Variants in CHD5 observed in about 807,000 individuals in gnomAD.
CHD5 encodes chromodomain helicase DNA binding protein 5.
CHD5 carries 69 observed loss-of-function variants against 230.3 expected under a neutral mutation model. The observed-to-expected ratio is 0.30, with a 90% confidence interval of 0.25 to 0.37. The LOEUF (loss-of-function observed/expected upper bound fraction) is 0.37, where lower values mean the gene tolerates loss of function less well. Among genes scored for constraint, CHD5 ranks in the 10% least tolerant of loss-of-function variants. The pLI is 1.00. For missense variants in CHD5, 1,827 were observed against 2,622.8 expected (o/e 0.70, Z 6.63); for synonymous variants, 1,064 against 1,065.9 (o/e 1.00, Z 0.03).
Position 6,135,217 on chromosome 1 carries a change from G to C in CHD5, c.2870+13C>G. On this transcript the variant is annotated intron_variant, in intron 18 of 41. Transcript: ENST00000262450. ...GCGAGCACAGGCTGCTCCGGGGTCA[G>C]CCCATCACTCACTTCTGCATCTGGC... is the stretch of plus-strand genomic sequence containing the variant. 6.2e-7 allele frequency: 1 copy of C among 1,613,796 alleles called. No individual in the cohort carries two copies. The highest frequency in any genetic ancestry group is 8.5e-7 in the Non-Finnish European group (1 of 1,179,906).
rs1666640649 is a variant in CHD5 at position 6,130,673 on chromosome 1, C to T, written c.3263-345G>A. The stretch of plus-strand genomic sequence containing the variant: ...TAGAGAGCTCAGAGTCCTTCATGTC[C>T]CCGCAGCTTCCCACCCCTGGCTTCC... On this transcript the variant is annotated intron_variant, in intron 21 of 41. Coordinates refer to ENST00000262450, the MANE Select transcript of CHD5 (RefSeq NM_015557.3). This position sits in a 1 kb window ranked among gnomAD's most constrained non-coding sequence, Gnocchi z 4.9. Among the ~76,000 whole-genome samples, 1 of 152,208 alleles carries T rather than the reference C, an allele frequency of 6.6e-6. No individual in the cohort carries two copies. Among genetic ancestry groups the T allele is most frequent in the African/African-American group, 2.4e-5 (1 of 41,438 alleles).
intron 31 of CHD5, among the ~76,000 whole-genome samples, chr1:6,122,782 G>C (rs182604261): frequency 6.6e-6 from 1 of 152,288 alleles, no homozygotes; most frequent in Non-Finnish European, 1.5e-5. Context: ...ACAAGAAAAC[G>C]TTATCGGCCA....
At position 6,104,471 on chromosome 1, in the gene CHD5, G is replaced by C. The variant is rs528061387; in HGVS notation, c.*1003C>G. 82 of 137,824 alleles carry C rather than the reference G, an allele frequency of 5.9e-4. No individual in the cohort carries two copies. Among genetic ancestry groups the C allele is most frequent in the African/African-American group, 2.3e-3 (81 of 35,470 alleles). 8.5% of individuals were successfully genotyped at this position (137,824 alleles called of 1,614,324 possible). A position where few individuals can be genotyped will look rare whatever the true frequency, so the allele number is the denominator to read the frequency against. ...CCACCTCCGGAGGTGGGCAGGGTAG[G>C]CATCCCAGGGCACAGGGCAGGGCCA... is the stretch of plus-strand genomic sequence containing the variant. On this transcript the variant is annotated 3_prime_UTR_variant, in exon 42 of 42. Coordinates refer to ENST00000262450, the MANE Select transcript of CHD5 (RefSeq NM_015557.3).
chr1:6,178,182 G>A (rs995096700), intron 1 of CHD5, among the ~76,000 whole-genome samples: 5 of 152,080 alleles, frequency 3.3e-5, no homozygotes, highest in Admixed American at 6.5e-5. Context: ...AGGCTCTGGG[G>A]CCAACCCACC....
In CHD5 at chr1:6,148,837, G is replaced by T; in HGVS notation, c.1383+17C>A. The stretch of plus-strand genomic sequence containing the variant: ...GGTGGGGCGGGGCGTCCGGCGCGGG[G>T]CGGGCGGAACACTCACAGTACAGCG... On this transcript the variant is annotated intron_variant, in intron 9 of 41. Transcript: ENST00000262450. The T allele has an allele frequency of 6.8e-7, 1 of 1,469,836 alleles. No individual in the cohort carries two copies. Among genetic ancestry groups the T allele is most frequent in the African/African-American group, 1.4e-5 (1 of 69,456 alleles). The allele number at this position is 1,469,836 out of a possible 1,614,324, so 91.0% of individuals were successfully genotyped here. A position where few individuals can be genotyped will look rare whatever the true frequency, so the allele number is the denominator to read the frequency against.
At chr1:6,157,150 G>T (rs2100870829) in intron 3 of CHD5, among the ~76,000 whole-genome samples, 1 of 152,210 alleles carries the variant, frequency 6.6e-6, no homozygotes, top group South Asian at 2.1e-4. Flanking sequence ...GCCCTGAGCT[G>T]CCCCCACCCA....
chr1:6,122,601 G>T (rs1013495116), intron 31 of CHD5, among the ~76,000 whole-genome samples: 7 of 152,172 alleles, frequency 4.6e-5, no homozygotes, highest in African/African-American at 7.2e-5. Context: ...GGAAAACAGG[G>T]TTATCACACG....
chr1:6,165,792 C>T (rs146826875), intron 2 of CHD5, among the ~76,000 whole-genome samples: 50 of 152,248 alleles, frequency 3.3e-4, no homozygotes, highest in Middle Eastern at 3.4e-3. Context: ...GGAGCTGGCT[C>T]ACAGCCTCTC....
intron 11 of CHD5, 37 bp from the exon 12 acceptor site, chr1:6,144,192 A>G: frequency 3.7e-6 from 6 of 1,612,842 alleles, no homozygotes; most frequent in Non-Finnish European, 5.1e-6. Flanking sequence ...CGCTCAGAGC[A>G]GTGGCCACAG....
At chr1:6,127,983 G>C in intron 25 of CHD5, 63 bp downstream of exon 25, 1 of 1,383,588 alleles carries the variant, frequency 7.2e-7, no homozygotes, top group Non-Finnish European at 9.7e-7. Flanking sequence ...CGTGGACACA[G>C]TGGGGGGCGG....
At chr1:6,151,880 G>C (rs969277622) in intron 6 of CHD5, among the ~76,000 whole-genome samples, 2 of 152,146 alleles carry the variant, frequency 1.3e-5, no homozygotes, top group Non-Finnish European at 2.9e-5. Context: ...AGAAAGGGGG[G>C]CCCCAAGGCT....
rs111273684 is a variant in CHD5 at position 6,168,805 on chromosome 1, G to A, written c.80-528C>T. Among the ~76,000 whole-genome samples the A allele has an allele frequency of 4.6e-5, 7 of 152,200 alleles. No individual in the cohort carries two copies. The East Asian group carries it at 1.4e-3, about 29-fold the overall frequency. On this transcript the variant is annotated intron_variant, in intron 1 of 41. Coordinates refer to ENST00000262450, the MANE Select transcript of CHD5 (RefSeq NM_015557.3). ...AGGCTGAGGCGAGCAGATAACCAGA[G>A]GCCAGGAGTCTGAGACCAGCCTGGC...
chr1:6,152,311 G>C, intron 6 of CHD5, 101 bp downstream of exon 6: 1 of 1,386,066 alleles, frequency 7.2e-7, no homozygotes, highest in East Asian at 2.5e-5. Flanking sequence ...GCCCCAGCTA[G>C]TTTGTAATGA....
rs1666872992 is a variant in CHD5 at position 6,144,075 on chromosome 1, T to C, written c.1883A>G (p.Asp628Gly). Residue 628 changes from aspartate (D) to glycine (G), a missense_variant, in exon 12 of 42, where the codon GAC becomes GGC. By Grantham distance (94) the Asp-to-Gly change is moderately conservative. Transcript: ENST00000262450. The part of the protein sequence containing the change: ...PYDQCTWEID[D>G]IDIPYYDNLK... ...GTTGTCGTAGTAGGGGATGTCGATGTCATCGATCTCCCAGGTGCACTGGTC... is the reference window on the plus strand; with the variant it reads ...GTTGTCGTAGTAGGGGATGTCGATGCCATCGATCTCCCAGGTGCACTGGTC... 6.2e-7 allele frequency: 1 copy of C among 1,614,144 alleles called. No individual in the cohort carries two copies. Among genetic ancestry groups the C allele is most frequent in the African/African-American group, 1.3e-5 (1 of 75,022 alleles).
intron 7 of CHD5, 52 bp from the exon 8 acceptor site, chr1:6,149,464 A>G (rs1372837060): frequency 1.3e-6 from 2 of 1,545,812 alleles, no homozygotes; most frequent in East Asian, 2.3e-5. Flanking sequence ...CTCCCAGCAC[A>G]CAACCAACTG....
At chr1:6,162,092 T>C (rs1046426412) in intron 2 of CHD5, among the ~76,000 whole-genome samples, 4 of 152,046 alleles carry the variant, frequency 2.6e-5, no homozygotes, top group African/African-American at 9.7e-5. Flanking sequence ...TGTAAGAAAA[T>C]GCCTTGAGGC....
At position 6,126,443 on chromosome 1, in the gene CHD5, C is replaced by G. The variant is rs1666559830; in HGVS notation, c.4078+129G>C. ...CTCTGGGTATGGGACACCCATCCCT[C>G]CTGGCACACTCGCCCAGCTCTCCCG... On this transcript the variant is annotated intron_variant, in intron 26 of 41. Coordinates refer to ENST00000262450, the MANE Select transcript of CHD5 (RefSeq NM_015557.3). The surrounding 1 kb of genome is among the most constrained non-coding windows in gnomAD (Gnocchi z 5.7). The G allele has an allele frequency of 1.5e-6, 1 of 677,936 alleles. No homozygotes were observed. Among genetic ancestry groups the G allele is most frequent in the African/African-American group, 1.8e-5 (1 of 56,698 alleles). The allele number at this position is 677,936 out of a possible 1,614,324, so 42.0% of individuals were successfully genotyped here.
chr1:6,110,261 CTGCTGCTTCG>C, intron 37 of CHD5, 123 bp downstream of exon 37: 1 of 1,060,550 alleles, frequency 9.4e-7, no homozygotes, highest in South Asian at 1.5e-5. Context: ...GATGGACATA[CTGCTGCTTCG>C]TGGCAGCGTG....
chr1:6,146,595 C>A lies in CHD5; in HGVS notation c.1590+70G>T. The stretch of plus-strand genomic sequence containing the variant: ...AGTCAGAGGCGCTTCAGCCCCTTCC[C>A]GCCAGCCCAGGAGGGTCCAGGGCTC... On this transcript the variant is annotated intron_variant, in intron 10 of 41. Coordinates refer to ENST00000262450, the MANE Select transcript of CHD5 (RefSeq NM_015557.3). This position sits in a 1 kb window ranked among gnomAD's most constrained non-coding sequence, Gnocchi z 5.1. The A allele has an allele frequency of 6.5e-7, 1 of 1,540,062 alleles. No homozygotes were observed. The highest frequency in any genetic ancestry group is 9.0e-7 in the Non-Finnish European group (1 of 1,114,832).
Sources: gnomAD v4.1 joint callset for allele counts (sites outside exome capture counted in the v4.1 genomes callset) on GRCh38, gnomAD v4.1.1 for gene constraint, Gnocchi (gnomAD v3.1) non-coding constraint, MANE v1.5 for transcripts, NCBI Gene and HGNC (gene_info 2026-07-23, HGNC 2026-07-21) for gene names.